ATP8A2: variants seen among roughly 807,000 people sequenced by gnomAD.
ATP8A2 encodes the protein ATPase phospholipid transporting 8A2.
A neutral mutation model predicts 165.6 loss-of-function variants in ATP8A2; 100 were observed. That is an observed-to-expected ratio of 0.60 (90% confidence interval 0.51 to 0.71). The LOEUF is 0.71. Ranked by LOEUF, ATP8A2 falls within the 30% of genes least tolerant of loss-of-function variation. The probability of loss-of-function intolerance (pLI) is 0.00; values close to 1 mark genes in which losing one functional copy is unlikely to be tolerated. For synonymous variants in ATP8A2, 543 were observed against 548.8 expected, an observed-to-expected ratio of 0.99 and a Z score of 0.15; for missense variants, 1,227 against 1,479.5, an observed-to-expected ratio of 0.83 and a Z score of 2.80.
chr13:25,529,994 T>A lies in ATP8A2; in HGVS notation c.222-5T>A, dbSNP rs1426403841. ...TGATAGTATTATTTTTCTTTGCACT[T>A]ACAGTACGGCCAAGTACAGCGTGTT... On this transcript the variant is annotated splice_region_variant and splice_polypyrimidine_tract_variant and intron_variant, in intron 2 of 36. Transcript: ENST00000381655. 6.3e-7 allele frequency: 1 copy of A among 1,583,782 alleles called. No individual in the cohort carries two copies. The highest frequency in any genetic ancestry group is 2.2e-5 in the East Asian group (1 of 44,694).
intron 24 of ATP8A2, among the ~76,000 whole-genome samples, chr13:25,631,324 A>T (rs2041235522): frequency 6.6e-6 from 1 of 152,184 alleles, no homozygotes; most frequent in Non-Finnish European, 1.5e-5. Context: ...TTTAATTTAT[A>T]TGTAATTAGG....
intron 24 of ATP8A2, among the ~76,000 whole-genome samples, chr13:25,662,442 A>G (rs1210502229): frequency 6.6e-6 from 1 of 152,192 alleles, no homozygotes; most frequent in Non-Finnish European, 1.5e-5. Flanking sequence ...TGACTCTCTG[A>G]TTAACTTTGA....
At chr13:25,683,086 C>T (rs74042141) in intron 24 of ATP8A2, among the ~76,000 whole-genome samples, 7,699 of 152,204 alleles carry the variant, frequency 0.051, 651 homozygotes, top group African/African-American at 0.17. Context: ...AAGATATACA[C>T]AGAGAGTGAA....
intron 27 of ATP8A2, among the ~76,000 whole-genome samples, chr13:25,796,739 T>C (rs541698650): frequency 6.6e-6 from 1 of 152,370 alleles, no homozygotes; most frequent in Non-Finnish European, 1.5e-5. Flanking sequence ...ATCTTTATGC[T>C]TTTTTAAATT....
At chr13:25,695,113 A>T (rs972484278) in intron 24 of ATP8A2, among the ~76,000 whole-genome samples, 1 of 151,692 alleles carries the variant, frequency 6.6e-6, no homozygotes, top group African/African-American at 2.4e-5. Flanking sequence ...AAATACTGTA[A>T]TAAAGCAAGT....
chr13:25,499,356 G>A (rs559134799), intron 2 of ATP8A2, among the ~76,000 whole-genome samples: 8 of 152,302 alleles, frequency 5.3e-5, no homozygotes, highest in East Asian at 3.9e-4. Context: ...ATCTGTATCC[G>A]GTGGAATGTT....
chr13:25,897,430 G>A (rs1322101396), intron 33 of ATP8A2, among the ~76,000 whole-genome samples: 2 of 152,050 alleles, frequency 1.3e-5, no homozygotes, highest in African/African-American at 4.8e-5. Context: ...TTCCCTTTGT[G>A]GGCAACCCGA....
intron 22 of ATP8A2, among the ~76,000 whole-genome samples, chr13:25,580,202 C>A (rs1250268848): frequency 6.6e-6 from 1 of 152,192 alleles, no homozygotes; most frequent in African/African-American, 2.4e-5. Context: ...GCATCAGCGA[C>A]TTTCTGGGTT....
chr13:25,954,408 G>T (rs1439956926), intron 33 of ATP8A2, among the ~76,000 whole-genome samples: 1 of 152,242 alleles, frequency 6.6e-6, no homozygotes, highest in East Asian at 1.9e-4. Flanking sequence ...GCACCTGGGG[G>T]AAGGGGCAGC....
At chr13:25,676,489 C>G (rs551973815) in intron 24 of ATP8A2, among the ~76,000 whole-genome samples, 2 of 152,242 alleles carry the variant, frequency 1.3e-5, no homozygotes, top group Admixed American at 1.3e-4. Context: ...CACACGTGAA[C>G]TCTGCCTCAG....
chr13:25,867,428 G>A (rs1952538749), intron 33 of ATP8A2, among the ~76,000 whole-genome samples: 1 of 152,158 alleles, frequency 6.6e-6, no homozygotes, highest in African/African-American at 2.4e-5. Context: ...ATGTCAAGTA[G>A]GTGGCCATCT....
intron 23 of ATP8A2, among the ~76,000 whole-genome samples, chr13:25,587,882 A>T (rs2039967360): frequency 6.6e-6 from 1 of 152,200 alleles, no homozygotes; most frequent in Non-Finnish European, 1.5e-5. Flanking sequence ...AGAGGGTCTC[A>T]GTTTTATCCA....
chr13:25,937,190 G>T (rs1186495543), intron 33 of ATP8A2, among the ~76,000 whole-genome samples: 8 of 152,020 alleles, frequency 5.3e-5, no homozygotes, highest in African/African-American at 1.9e-4. Flanking sequence ...ACAACTGTAT[G>T]TCATTGACAT....
Position 25,970,744 on chromosome 13 carries a change from G to A in ATP8A2, c.3377+2065G>A, listed in dbSNP as rs537457693. Among the ~76,000 whole-genome samples, 3 of 152,344 alleles carry A rather than the reference G, an allele frequency of 2.0e-5. No homozygotes were observed. In the South Asian group the frequency reaches 6.2e-4, roughly 32 times the overall value. ...TGCTCATCTTCACTTTGGCAGGAGA[G>A]TCATGAGCTGTCGGCCTTGAATTGT... is the stretch of plus-strand genomic sequence containing the variant. On this transcript the variant is annotated intron_variant, in intron 35 of 36. Transcript: ENST00000381655.
chr13:25,729,350 A>G (rs1385107768), intron 25 of ATP8A2, among the ~76,000 whole-genome samples: 1 of 152,218 alleles, frequency 6.6e-6, no homozygotes, highest in African/African-American at 2.4e-5. Flanking sequence ...AAGGATGGAA[A>G]GTGACTAAAG....
chr13:25,447,006 C>A (rs1297829421), intron 1 of ATP8A2, among the ~76,000 whole-genome samples: 1 of 152,108 alleles, frequency 6.6e-6, no homozygotes, highest in African/African-American at 2.4e-5. Context: ...CAGGCATGAA[C>A]CACCACACCT....
chr13:25,860,373 T>G lies in ATP8A2; in HGVS notation c.3018+117T>G, dbSNP rs564923431. ...TATTATTTATTTCAAATCTTCAAAA[T>G]GTATTTTATATATCCTTCAAAGTTC... On this transcript the variant is annotated intron_variant, in intron 31 of 36. Coordinates refer to ENST00000381655, the MANE Select transcript of ATP8A2 (RefSeq NM_016529.6). 2.6e-4 allele frequency: 154 copies of G among 596,938 alleles called. 1 individual carries two copies. In the East Asian group the frequency reaches 4.1e-3, roughly 16 times the overall value. 37.0% of individuals were successfully genotyped at this position (596,938 alleles called of 1,614,324 possible). A position where few individuals can be genotyped will look rare whatever the true frequency, so the allele number is the denominator to read the frequency against.
chr13:25,595,475 C>G (rs1159579439), intron 24 of ATP8A2, among the ~76,000 whole-genome samples: 1 of 152,136 alleles, frequency 6.6e-6, no homozygotes, highest in East Asian at 1.9e-4. Context: ...TGAGGTGCGA[C>G]CTTGTGCATT....
chr13:25,837,338 A>G, intron 29 of ATP8A2, 53 bp downstream of exon 29: 1 of 1,594,946 alleles, frequency 6.3e-7, no homozygotes, highest in Non-Finnish European at 8.6e-7. Context: ...TGGCTGTTTG[A>G]TTCTAGTCAT....
Sources: allele counts gnomAD v4.1 joint callset (sites outside exome capture counted in the v4.1 genomes callset), GRCh38; gene constraint gnomAD v4.1.1; transcripts MANE v1.5; gene names NCBI Gene and HGNC (gene_info 2026-07-23, HGNC 2026-07-21).